RAET1E: variants seen among roughly 807,000 people sequenced by gnomAD.
RAET1E encodes the protein NKG2D ligand 4.
In RAET1E, 27 loss-of-function variants were observed where a neutral mutation model predicts 21.1. The observed-to-expected ratio is 1.28, with a 90% CI of 0.94 to 1.76. The LOEUF (loss-of-function observed/expected upper bound fraction) is 1.76. Among genes scored for constraint, RAET1E ranks in the 40% most tolerant of loss-of-function variants. The pLI is 0.00. For synonymous variants in RAET1E, 113 were observed against 115.0 expected, an observed-to-expected ratio of 0.98 and a Z score of 0.11; for missense variants, 310 against 311.3, an observed-to-expected ratio of 1.00 and a Z score of 0.03.
chr6:149,888,954 C>T, intron 5 of RAET1E: 1 of 766,564 alleles, frequency 1.3e-6, no homozygotes, highest in Non-Finnish European at 1.9e-6. Flanking sequence ...TGGAGGATGA[C>T]ACAATGGGTG....
rs757626218 is a variant in RAET1E, at chr6:149,896,031, T to A, written c.-319A>T. On this transcript the variant is annotated splice_region_variant and 5_prime_UTR_variant, in exon 2 of 6. Transcript: ENST00000357183. ...GGCTCCACTCACATGAGTTATGACT[T>A]CCTAAATAGCATCACCTTGAGAATT... 10 of 152,230 alleles carry A rather than the reference T, an allele frequency of 6.6e-5. No individual in the cohort carries two copies. The highest frequency in any genetic ancestry group is 1.5e-4 in the Non-Finnish European group (10 of 68,046). 9.4% of individuals were successfully genotyped at this position (152,230 alleles called of 1,614,324 possible).
intron 4 of RAET1E, 125 bp from the exon 5 acceptor site, chr6:149,889,748 G>T: frequency 2.0e-6 from 3 of 1,479,672 alleles, no homozygotes; most frequent in East Asian, 4.6e-5. Context: ...GCCCTTTCCT[G>T]CCCATTGGGT....
At chr6:149,896,931 G>A (rs1380053354) in intron 1 of RAET1E, among the ~76,000 whole-genome samples, 19 of 152,186 alleles carry the variant, frequency 1.2e-4, no homozygotes, top group Non-Finnish European at 7.3e-5. Flanking sequence ...CTTGGCCTGA[G>A]CCAACCTGAA....
Position 149,885,854 on chromosome 6 carries a change from AG to A in RAET1E, c.*2643del, listed in dbSNP as rs1391414009. 6.6e-6 allele frequency among the ~76,000 whole-genome samples: 1 copy of A among 152,214 alleles called. No individual in the cohort carries two copies. Among genetic ancestry groups the A allele is most frequent in the African/African-American group, 2.4e-5 (1 of 41,456 alleles). On this transcript the variant is annotated 3_prime_UTR_variant, in exon 6 of 6. Coordinates refer to ENST00000357183, the MANE Select transcript of RAET1E (RefSeq NM_001394057.1). ...CCATGATAGATTCTCAGGTTACAAA[AG>A]TAATGTCCTCAAGTAAGCGCATCAA...
At position 149,886,949 on chromosome 6, in the gene RAET1E, A is replaced by G. The variant is rs1447710661; in HGVS notation, c.*1549T>C. Among the ~76,000 whole-genome samples the G allele has an allele frequency of 2.0e-5, 3 of 152,106 alleles. No individual in the cohort carries two copies. Among genetic ancestry groups the G allele is most frequent in the Non-Finnish European group, 4.4e-5 (3 of 68,010 alleles). ...GAGAAATCCATGCGACACAGTGGGG[A>G]GGCCCTCCCCAAAGGGTGGCAGATA... On this transcript the variant is annotated 3_prime_UTR_variant, in exon 6 of 6. Transcript: ENST00000357183.
Position 149,886,833 on chromosome 6 carries a change from C to T in RAET1E, c.*1665G>A, listed in dbSNP as rs942374814. 1.3e-5 allele frequency among the ~76,000 whole-genome samples: 2 copies of T among 152,204 alleles called. No individual in the cohort carries two copies. Among genetic ancestry groups the T allele is most frequent in the Admixed American group, 1.3e-4 (2 of 15,284 alleles). On this transcript the variant is annotated 3_prime_UTR_variant, in exon 6 of 6. Coordinates refer to ENST00000357183, the MANE Select transcript of RAET1E (RefSeq NM_001394057.1). Reference sequence around the variant, plus strand: ...CTCTCTTCTGTCACTTCAGCAGAAACAATGCCCAGAAATGCCAGAGACAAC... The same window carrying T: ...CTCTCTTCTGTCACTTCAGCAGAAATAATGCCCAGAAATGCCAGAGACAAC...
At chr6:149,893,831 T>C (rs1478492758) in intron 2 of RAET1E, among the ~76,000 whole-genome samples, 2 of 152,232 alleles carry the variant, frequency 1.3e-5, no homozygotes, top group South Asian at 4.1e-4. Flanking sequence ...TGATATTGGC[T>C]GTGGGTTTGT....
rs1471578798 is a variant in RAET1E at position 149,887,843 on chromosome 6, T to C, written c.*655A>G. On this transcript the variant is annotated 3_prime_UTR_variant, in exon 6 of 6. Transcript: ENST00000357183. The stretch of plus-strand genomic sequence containing the variant: ...ATGGAAGAAAGAAATGAATTCTTCA[T>C]GTCAGAGCAGTGGCGGAGAAACAGG... 1.3e-5 allele frequency among the ~76,000 whole-genome samples: 2 copies of C among 152,202 alleles called. No homozygotes were observed. Among genetic ancestry groups the C allele is most frequent in the Non-Finnish European group, 2.9e-5 (2 of 68,040 alleles).
chr6:149,884,901 G>A lies in RAET1E; in HGVS notation c.*3597C>T, dbSNP rs1354795141. Among the ~76,000 whole-genome samples, 1 of 152,146 alleles carries A rather than the reference G, an allele frequency of 6.6e-6. No individual in the cohort carries two copies. The highest frequency in any genetic ancestry group is 1.5e-5 in the Non-Finnish European group (1 of 68,014). ...TCAGGGGTGAACCAGAAACCCAGGT[G>A]TCAAAGGAATCCCACCTTCTAGTCC... On this transcript the variant is annotated 3_prime_UTR_variant, in exon 6 of 6. Coordinates refer to ENST00000357183, the MANE Select transcript of RAET1E (RefSeq NM_001394057.1).
At chr6:149,889,063 T>G in intron 5 of RAET1E, 2 of 1,376,186 alleles carry the variant, frequency 1.5e-6, no homozygotes, top group Non-Finnish European at 1.9e-6. Context: ...AAGGCCTGGA[T>G]GTTTGCAATG....
At chr6:149,889,683 T>A (rs776016729) in intron 4 of RAET1E, 60 bp from the exon 5 acceptor site, 153 of 1,583,518 alleles carry the variant, frequency 9.7e-5, no homozygotes, top group Non-Finnish European at 1.3e-4. Flanking sequence ...CATCCTCCAA[T>A]AGGTCAAGTG....
At chr6:149,896,959 A>C (rs1160715445) in intron 1 of RAET1E, among the ~76,000 whole-genome samples, 12 of 152,172 alleles carry the variant, frequency 7.9e-5, no homozygotes, top group Admixed American at 3.9e-4. Flanking sequence ...AGGAATAGCC[A>C]TTTTCCAACT....
At chr6:149,889,257 T>C in intron 5 of RAET1E, 91 bp downstream of exon 5, 1 of 1,527,096 alleles carries the variant, frequency 6.5e-7, no homozygotes, top group Non-Finnish European at 8.7e-7. Context: ...GTCAATCAAA[T>C]TTTCTATCGC....
Position 149,887,625 on chromosome 6 carries a change from C to T in RAET1E, c.*873G>A, listed in dbSNP as rs1777665843. 6.6e-6 allele frequency among the ~76,000 whole-genome samples: 1 copy of T among 152,270 alleles called. No individual in the cohort carries two copies. Among genetic ancestry groups the T allele is most frequent in the East Asian group, 1.9e-4 (1 of 5,180 alleles). ...CATTTCTTACATCAGAAACATTGAT[C>T]CTCAGTGAGTCAGATGGAGTAGCCT... On this transcript the variant is annotated 3_prime_UTR_variant, in exon 6 of 6. Transcript: ENST00000357183.
intron 4 of RAET1E, 131 bp from the exon 5 acceptor site, chr6:149,889,754 T>G: frequency 6.8e-7 from 1 of 1,476,318 alleles, no homozygotes; most frequent in African/African-American, 1.4e-5. Context: ...TCCTGCCCAT[T>G]GGGTCCCATG....
Position 149,889,442 on chromosome 6 carries a change from C to T in RAET1E, c.528G>A (p.Gly176=), listed in dbSNP as rs775664164. 1 of 1,614,090 alleles carries T rather than the reference C, an allele frequency of 6.2e-7. No individual in the cohort carries two copies. Among genetic ancestry groups the T allele is most frequent in the African/African-American group, 1.3e-5 (1 of 74,928 alleles). ...KIKETWKKDR[G]LEKYFRKLSK... Reference sequence around the variant, plus strand: ...AGAGCTTCCTGAAATACTTTTCCAGCCCTCTGTCTTTCTTCCATGTCTCCT... The same window carrying T: ...AGAGCTTCCTGAAATACTTTTCCAGTCCTCTGTCTTTCTTCCATGTCTCCT... Residue 176 remains glycine, a synonymous_variant, in exon 5 of 6, where the codon GGG becomes GGA. Transcript: ENST00000357183.
intron 2 of RAET1E, among the ~76,000 whole-genome samples, chr6:149,891,484 T>TTGTGTGTGTGTGTGTG (rs58899076): frequency 0.035 from 5,274 of 149,874 alleles, 297 homozygotes; most frequent in African/African-American, 0.13. Flanking sequence ...CAGATGGGTT[T>TTGTGTGTGTGTGTGTG]TGTGTGTGTG....
In RAET1E at chr6:149,889,520, A is replaced by G; in HGVS notation, c.450T>C (p.Phe150=). The G allele has an allele frequency of 6.2e-7, 1 of 1,614,198 alleles. No individual in the cohort carries two copies. Residue 150 remains phenylalanine, a synonymous_variant, in exon 5 of 6, where the codon TTT becomes TTC. Transcript: ENST00000357183. ...CTGTCCAGGTCATGTTCATTGCGTC[A>G]AAGAGGAGGGATTTCTCTCCATTGG... ...FATNGEKSLL[F]DAMNMTWTVI...
At position 149,889,607 on chromosome 6, in the gene RAET1E, T is replaced by C. The variant is rs867496829; in HGVS notation, c.363A>G (p.Gln121=). 4.3e-6 allele frequency: 7 copies of C among 1,614,172 alleles called. No individual in the cohort carries two copies. The Middle Eastern group carries it at 9.9e-4, about 228-fold the overall frequency. ...QIKTSDPSTL[Q]VEMFCQREAE... ...CTTCACGTTGACAAAACATCTCGAC[T>C]TGCAGAGTGGAAGGATCTGCAATCC... Residue 121 remains glutamine, a synonymous_variant, in exon 5 of 6, where the codon CAA becomes CAG. Coordinates refer to ENST00000357183, the MANE Select transcript of RAET1E (RefSeq NM_001394057.1).
Sources: gnomAD v4.1 joint callset for allele counts (sites outside exome capture counted in the v4.1 genomes callset) on GRCh38, gnomAD v4.1.1 for gene constraint, MANE v1.5 for transcripts, NCBI Gene and HGNC (gene_info 2026-07-23, HGNC 2026-07-21) for gene names.